The following STAU2 variants were observed in gnomAD, a reference collection of about 807,000 sequenced individuals.
STAU2 encodes staufen double-stranded RNA binding protein 2.
A neutral mutation model predicts 65.9 loss-of-function variants in STAU2; 20 were observed. That is an observed-to-expected ratio of 0.30 (90% CI 0.21 to 0.44). The LOEUF (loss-of-function observed/expected upper bound fraction) is 0.44, where lower values mean the gene tolerates loss of function less well. Ranked by LOEUF, STAU2 falls within the 20% of genes least tolerant of loss-of-function variation. The pLI is 1.00. For synonymous variants in STAU2, 232 were observed against 233.9 expected (o/e 0.99, Z 0.07); for missense variants, 558 against 683.9 (o/e 0.82, Z 2.05).
chr8:73,677,907 A>T (rs1818130587), intron 5 of STAU2, among the ~76,000 whole-genome samples: 3 of 151,966 alleles, frequency 2.0e-5, no homozygotes, highest in African/African-American at 7.2e-5. Flanking sequence ...CCTTCCTCTG[A>T]CTCTTGCTGG....
intron 6 of STAU2, among the ~76,000 whole-genome samples, chr8:73,627,231 G>GGGGGGGGGGGGGGGGGGGGGC (rs1563467173): frequency 3.7e-5 from 1 of 27,234 alleles, no homozygotes; most frequent in Non-Finnish European, 9.2e-5. Flanking sequence ...GGAGGGGGGG[G>GGGGGGGGGGGGGGGGGGGGGC]CAGGAGGGCG....
intron 13 of STAU2, among the ~76,000 whole-genome samples, chr8:73,531,958 CTA>C (rs1299892519): frequency 6.6e-6 from 1 of 152,156 alleles, no homozygotes; most frequent in Non-Finnish European, 1.5e-5. Context: ...AGTCATCACC[CTA>C]TGTTTTGTAA....
At chr8:73,712,998 T>G (rs191777830) in intron 3 of STAU2, among the ~76,000 whole-genome samples, 46 of 152,278 alleles carry the variant, frequency 3.0e-4, no homozygotes, top group African/African-American at 1.1e-3. Context: ...TATTTGTTAT[T>G]ATTTTTTCCA....
At chr8:73,695,401 C>A (rs1290707207) in intron 4 of STAU2, among the ~76,000 whole-genome samples, 2 of 131,540 alleles carry the variant, frequency 1.5e-5, no homozygotes, top group Admixed American at 1.5e-4. Context: ...AGGACTCAAT[C>A]CTGGCAGGAT....
At chr8:73,557,260 T>A (rs767665807) in intron 12 of STAU2, among the ~76,000 whole-genome samples, 1 of 152,182 alleles carries the variant, frequency 6.6e-6, no homozygotes, top group Non-Finnish European at 1.5e-5. Flanking sequence ...GGACTTTTCT[T>A]CACAAATAAA....
chr8:73,617,550 T>A, intron 6 of STAU2, 99 bp from the exon 7 acceptor site: 2 of 1,183,824 alleles, frequency 1.7e-6, no homozygotes, highest in South Asian at 3.0e-5. Context: ...TATAATGTGC[T>A]ATACTCTTAA....
chr8:73,598,697 A>C (rs1325964115), intron 10 of STAU2, among the ~76,000 whole-genome samples: 1 of 152,158 alleles, frequency 6.6e-6, no homozygotes, highest in East Asian at 1.9e-4. Flanking sequence ...GAAATAAGGC[A>C]AGGAAAAGTA....
At chr8:73,620,900 T>C (rs1813178454) in intron 6 of STAU2, among the ~76,000 whole-genome samples, 1 of 152,202 alleles carries the variant, frequency 6.6e-6, no homozygotes, top group Non-Finnish European at 1.5e-5. Context: ...CAGAGCACTC[T>C]CATTAATTGC....
At chr8:73,446,233 G>C (rs936107708) in intron 13 of STAU2, among the ~76,000 whole-genome samples, 1 of 152,330 alleles carries the variant, frequency 6.6e-6, no homozygotes, top group East Asian at 1.9e-4. Context: ...TTTTTATAAT[G>C]ATAAAAGCAT....
intron 3 of STAU2, among the ~76,000 whole-genome samples, chr8:73,713,910 C>CT (rs893272971): frequency 3.5e-4 from 52 of 148,122 alleles, no homozygotes; most frequent in Middle Eastern, 7.0e-3. Flanking sequence ...GGTTTCTTTC[C>CT]TTTTTTTTTT....
At chr8:73,608,023 T>C (rs1312813922) in intron 9 of STAU2, among the ~76,000 whole-genome samples, 2 of 152,200 alleles carry the variant, frequency 1.3e-5, no homozygotes, top group East Asian at 1.9e-4. Flanking sequence ...AATCTGTAGT[T>C]TGGTGCTCCA....
chr8:73,443,719 A>G (rs1182544294), intron 13 of STAU2, among the ~76,000 whole-genome samples: 1 of 152,078 alleles, frequency 6.6e-6, no homozygotes, highest in African/African-American at 2.4e-5. Context: ...GTGGTGGCAT[A>G]TGCCTGTAGT....
Position 73,540,191 on chromosome 8 carries a change from T to C in STAU2, c.1530+11821A>G, listed in dbSNP as rs552740577. 2.6e-5 allele frequency among the ~76,000 whole-genome samples: 4 copies of C among 152,288 alleles called. No individual in the cohort carries two copies. The South Asian group carries it at 6.2e-4, about 24-fold the overall frequency. On this transcript the variant is annotated intron_variant, in intron 13 of 14. Transcript: ENST00000524300. ...TGTAATTAAAGACCTGGGAATAAGATCATTCTGAATTTTGGGTAGACTCGA... is the reference window on the plus strand; with the variant it reads ...TGTAATTAAAGACCTGGGAATAAGACCATTCTGAATTTTGGGTAGACTCGA...
intron 1 of STAU2, among the ~76,000 whole-genome samples, 175 bp downstream of exon 1, chr8:73,746,608 G>A (rs1807306882): frequency 1.3e-5 from 2 of 151,536 alleles, no homozygotes; most frequent in Non-Finnish European, 1.5e-5. Context: ...CCCCGCTGCT[G>A]CCCCGAGAGC....
At chr8:73,452,694 C>A (rs911771267) in intron 13 of STAU2, among the ~76,000 whole-genome samples, 3 of 152,170 alleles carry the variant, frequency 2.0e-5, no homozygotes, top group Non-Finnish European at 4.4e-5. Flanking sequence ...GAGATAAAAG[C>A]CAAAACGTAT....
chr8:73,516,928 A>G (rs1226208427), intron 13 of STAU2, among the ~76,000 whole-genome samples: 3 of 152,182 alleles, frequency 2.0e-5, no homozygotes, highest in Non-Finnish European at 4.4e-5. Flanking sequence ...ACATATGGTT[A>G]TTTATTGGTT....
At chr8:73,542,315 T>C (rs1218547127) in intron 13 of STAU2, among the ~76,000 whole-genome samples, 1 of 152,110 alleles carries the variant, frequency 6.6e-6, no homozygotes, top group Non-Finnish European at 1.5e-5. Context: ...CCCCATACCA[T>C]ACATTAAAAA....
intron 3 of STAU2, among the ~76,000 whole-genome samples, chr8:73,716,012 T>C (rs1264729554): frequency 6.6e-6 from 1 of 151,854 alleles, no homozygotes; most frequent in Admixed American, 6.6e-5. Flanking sequence ...CCTCCCAAGC[T>C]CAAGCGATTC....
intron 3 of STAU2, among the ~76,000 whole-genome samples, chr8:73,721,092 C>A (rs192830818): frequency 1.6e-4 from 18 of 109,570 alleles, no homozygotes; most frequent in Admixed American, 3.4e-4. Flanking sequence ...CCAACCTGGG[C>A]AACACAGTAA....
Sources: gnomAD v4.1 joint callset for allele counts (sites outside exome capture counted in the v4.1 genomes callset) on GRCh38, gnomAD v4.1.1 for gene constraint, MANE v1.5 for transcripts, NCBI Gene and HGNC (gene_info 2026-07-23, HGNC 2026-07-21) for gene names.